Variants in STAT5B observed in about 807,000 individuals in gnomAD.
The protein encoded by STAT5B is transcription factor STAT5B.
STAT5B carries 21 observed loss-of-function variants against 107.8 expected under a neutral mutation model. The observed-to-expected ratio is 0.19, with a 90% confidence interval of 0.14 to 0.28. The LOEUF is 0.28. Ranked by LOEUF, STAT5B falls within the 10% of genes least tolerant of loss-of-function variation. The pLI is 1.00. For missense variants in STAT5B, 565 were observed against 1,008.2 expected, an observed-to-expected ratio of 0.56 and a Z score of 5.95; for synonymous variants, 325 against 401.7, an observed-to-expected ratio of 0.81 and a Z score of 2.28.
rs1264833870 is a variant in STAT5B at position 42,201,235 on chromosome 17, T to C, written c.*503A>G. On this transcript the variant is annotated 3_prime_UTR_variant, in exon 19 of 19. Transcript: ENST00000293328. ...TTGTCAAAAAGCAGTTATCTACATT[T>C]CAGAAGAAAAGCAGAGACAATCACG... 2.3e-6 allele frequency: 1 copy of C among 425,730 alleles called. No homozygotes were observed. Among genetic ancestry groups the C allele is most frequent in the African/African-American group, 2.0e-5 (1 of 49,292 alleles). The allele number at this position is 425,730 out of a possible 1,614,324, so 26.4% of individuals were successfully genotyped here.
intron 1 of STAT5B, chr17:42,271,255 C>T (rs1436479633): frequency 6.6e-6 from 1 of 152,202 alleles, no homozygotes; most frequent in Non-Finnish European, 1.5e-5. Context: ...GTTAGAAACC[C>T]GTTGGGTTTG....
intron 1 of STAT5B, among the ~76,000 whole-genome samples, chr17:42,273,579 G>C (rs2080738718): frequency 6.6e-6 from 1 of 152,158 alleles, no homozygotes; most frequent in Admixed American, 6.5e-5. Flanking sequence ...GTCACAGATA[G>C]AATGTCCAGA....
At chr17:42,281,002 C>A (rs571672655), upstream of STAT5B, among the ~76,000 whole-genome samples, 11 of 152,054 alleles carry the variant, frequency 7.2e-5, no homozygotes, top group African/African-American at 2.7e-4. Flanking sequence ...GGCGTGGTGG[C>A]GGGCGCCTGT....
chr17:42,282,226 A>G, the STAT5B span, among the ~76,000 whole-genome samples: 2 of 152,170 alleles, frequency 1.3e-5, no homozygotes, highest in African/African-American at 4.8e-5. Context: ...GGGCCATAAG[A>G]AGGGGCCTGT....
intron 1 of STAT5B, among the ~76,000 whole-genome samples, chr17:42,265,698 C>G (rs913277342): frequency 9.2e-5 from 14 of 151,952 alleles, no homozygotes; most frequent in Non-Finnish European, 1.5e-4. Context: ...AAACTGCCAT[C>G]CAAAAAAAGC....
At chr17:42,245,729 G>A (rs957471523) in intron 1 of STAT5B, among the ~76,000 whole-genome samples, 2 of 151,662 alleles carry the variant, frequency 1.3e-5, no homozygotes, top group African/African-American at 4.8e-5. Flanking sequence ...TCACCATGTT[G>A]GCCAGGCTGG....
intron 8 of STAT5B, 43 bp downstream of exon 8, chr17:42,218,680 A>T (rs749227370): frequency 2.4e-5 from 38 of 1,611,648 alleles, no homozygotes; most frequent in Non-Finnish European, 3.2e-5. Flanking sequence ...CGCAGGCAGG[A>T]GCTGCCCCAA....
chr17:42,217,309 CG>C (rs760676756), intron 10 of STAT5B, 27 bp from the exon 11 acceptor site: 1 of 1,614,180 alleles, frequency 6.2e-7, no homozygotes, highest in Admixed American at 1.7e-5. Flanking sequence ...TAAGATGAAA[CG>C]TAAGATATAA....
chr17:42,253,570 A>G (rs2080517524), intron 1 of STAT5B, among the ~76,000 whole-genome samples: 1 of 152,210 alleles, frequency 6.6e-6, no homozygotes, highest in African/African-American at 2.4e-5. Context: ...AAGGACTGAA[A>G]GAGTCTCCTA....
chr17:42,259,149 G>A (rs2080572395), intron 1 of STAT5B, among the ~76,000 whole-genome samples: 1 of 152,134 alleles, frequency 6.6e-6, no homozygotes, highest in African/African-American at 2.4e-5. Context: ...CCTGAAACAG[G>A]GTGGGCTGTT....
chr17:42,275,960 C>G (rs933747173), intron 1 of STAT5B, among the ~76,000 whole-genome samples: 43 of 151,992 alleles, frequency 2.8e-4, no homozygotes, highest in Non-Finnish European at 1.3e-4. Context: ...CACACCCACT[C>G]AGCACACGCG....
At chr17:42,264,584 C>A (rs1199786738) in intron 1 of STAT5B, among the ~76,000 whole-genome samples, 1 of 152,108 alleles carries the variant, frequency 6.6e-6, no homozygotes, top group Non-Finnish European at 1.5e-5. Flanking sequence ...GTATGTGCCA[C>A]ATTTTCTTAA....
In STAT5B at chr17:42,209,537, C is replaced by A. The variant is rs149229895; in HGVS notation, c.1906+634G>T. 2.0e-3 allele frequency among the ~76,000 whole-genome samples: 303 copies of A among 152,190 alleles called. 1 individual carries two copies. Among genetic ancestry groups the A allele is most frequent in the African/African-American group, 6.9e-3 (285 of 41,532 alleles). On this transcript the variant is annotated intron_variant, in intron 15 of 18. Transcript: ENST00000293328. ...CCCAGGAGTTCGAGACCAGCCTGGGCAACATACAAAAAATTTAAAAATTAG... is the reference window on the plus strand; with the variant it reads ...CCCAGGAGTTCGAGACCAGCCTGGGAAACATACAAAAAATTTAAAAATTAG...
intron 13 of STAT5B, 158 bp from the exon 14 acceptor site, chr17:42,210,655 T>A (rs1395881310): frequency 4.1e-6 from 3 of 725,426 alleles, no homozygotes; most frequent in South Asian, 1.5e-5. Context: ...AATGGCCCCA[T>A]GGAGAGGAAA....
At chr17:42,275,428 A>G (rs2080756581) in intron 1 of STAT5B, 1 of 152,142 alleles carries the variant, frequency 6.6e-6, no homozygotes, top group African/African-American at 2.4e-5. Context: ...TGGCTTTTCC[A>G]TCACTGCTGG....
intron 5 of STAT5B, 137 bp from the exon 6 acceptor site, chr17:42,219,979 C>T (rs2080210728): frequency 1.4e-6 from 2 of 1,445,696 alleles, no homozygotes; most frequent in Non-Finnish European, 9.2e-7. Flanking sequence ...GGGTTCCTGA[C>T]AGCCAGGGGG....
At chr17:42,244,060 T>C (rs1473902956) in intron 1 of STAT5B, among the ~76,000 whole-genome samples, 2 of 151,800 alleles carry the variant, frequency 1.3e-5, no homozygotes, top group East Asian at 3.9e-4. Context: ...AGTCCTATCT[T>C]ACCTTCAGAA....
intron 1 of STAT5B, among the ~76,000 whole-genome samples, chr17:42,249,236 A>G (rs918265989): frequency 6.6e-6 from 1 of 152,088 alleles, no homozygotes; most frequent in Non-Finnish European, 1.5e-5. Context: ...TACCAAAAAT[A>G]TACAAAATTA....
chr17:42,282,841 A>G, the STAT5B span, among the ~76,000 whole-genome samples: 40,278 of 152,060 alleles, frequency 0.26, 5,567 homozygotes, highest in South Asian at 0.42. Context: ...CAATTTCACC[A>G]GGTGGCCAAG....
Sources: gnomAD v4.1 joint callset for allele counts (sites outside exome capture counted in the v4.1 genomes callset) on GRCh38, gnomAD v4.1.1 for gene constraint, MANE v1.5 for transcripts, NCBI Gene and HGNC (gene_info 2026-07-23, HGNC 2026-07-21) for gene names.